EYS: variants seen among roughly 807,000 people sequenced by gnomAD.
EYS encodes EGF-like photoreceptor maintenance factor.
In EYS, 250 loss-of-function variants were observed where a neutral mutation model predicts 282.1. That is an observed-to-expected ratio of 0.89 (90% confidence interval 0.80 to 0.98). The LOEUF (loss-of-function observed/expected upper bound fraction) is 0.98, where lower values mean the gene tolerates loss of function less well. EYS is among the 50% of genes least tolerant of loss of function. The pLI is 0.00. For missense variants in EYS, 4,016 were observed against 3,709.0 expected, an observed-to-expected ratio of 1.08 and a Z score of -2.15; for synonymous variants, 1,355 against 1,282.9, an observed-to-expected ratio of 1.06 and a Z score of -1.20.
rs1267983110 is a variant in EYS, at chr6:63,720,625, C to T, written c.9406G>A (p.Asp3136Asn). ...LIKLEGYNVY[D>N]GDEQNEVT Reference sequence around the variant, plus strand: ...GTAACCTCATTTTGTTCATCTCCATCATAAACATTGTATCCTTCTAATTTA... The same window carrying T: ...GTAACCTCATTTTGTTCATCTCCATTATAAACATTGTATCCTTCTAATTTA... Residue 3136 changes from aspartate to asparagine, a missense_variant, in exon 43 of 43, where the codon GAT (aspartate) becomes AAT (asparagine). Asp to Asn is a conservative substitution (Grantham distance 23). Coordinates refer to ENST00000503581, the MANE Select transcript of EYS (RefSeq NM_001142800.2). 6.6e-7 allele frequency: 1 copy of T among 1,504,188 alleles called. No individual in the cohort carries two copies. The highest frequency in any genetic ancestry group is 8.9e-7 in the Non-Finnish European group (1 of 1,123,890). The allele number at this position is 1,504,188 out of a possible 1,614,324, so 93.2% of individuals were successfully genotyped here.
chr6:65,679,039 C>T (rs1173342546), intron 1 of EYS, among the ~76,000 whole-genome samples: 1 of 151,834 alleles, frequency 6.6e-6, no homozygotes, highest in African/African-American at 2.4e-5. Flanking sequence ...ACATTGAAAC[C>T]CATATCCCCT....
intron 26 of EYS, among the ~76,000 whole-genome samples, chr6:64,530,893 A>G (rs1365069784): frequency 6.6e-6 from 1 of 152,110 alleles, no homozygotes; most frequent in Non-Finnish European, 1.5e-5. Context: ...ATTAATCCAC[A>G]ATTTGTCACA....
intron 12 of EYS, among the ~76,000 whole-genome samples, chr6:65,058,024 G>A (rs13220850): frequency 2.1e-3 from 320 of 152,214 alleles, no homozygotes; most frequent in Middle Eastern, 6.8e-3. Flanking sequence ...TAGAGATGGT[G>A]CAGATATTTC....
chr6:64,413,974 C>T (rs895763144), intron 28 of EYS, among the ~76,000 whole-genome samples: 2 of 152,200 alleles, frequency 1.3e-5, no homozygotes, highest in African/African-American at 2.4e-5. Flanking sequence ...TATGAGAAGG[C>T]GTCATCTCTG....
At chr6:65,341,211 T>C (rs772448573) in intron 10 of EYS, among the ~76,000 whole-genome samples, 5 of 151,110 alleles carry the variant, frequency 3.3e-5, no homozygotes, top group Non-Finnish European at 7.4e-5. Context: ...GCAACATTTT[T>C]ATTGTCACCT....
chr6:65,071,883 A>G (rs1773911644), intron 12 of EYS, among the ~76,000 whole-genome samples: 1 of 151,786 alleles, frequency 6.6e-6, no homozygotes, highest in Non-Finnish European at 1.5e-5. Flanking sequence ...TCACTCTACT[A>G]CATAGATTAA....
intron 28 of EYS, among the ~76,000 whole-genome samples, chr6:64,434,210 C>T (rs1167999404): frequency 1.3e-5 from 2 of 151,832 alleles, no homozygotes; most frequent in African/African-American, 2.4e-5. Flanking sequence ...AAAAGGAGAC[C>T]TCAAAAGAAA....
intron 5 of EYS, among the ~76,000 whole-genome samples, chr6:65,448,023 C>T (rs558198766): frequency 8.5e-5 from 13 of 152,096 alleles, no homozygotes; most frequent in Admixed American, 1.3e-4. Flanking sequence ...AGTCAGATTA[C>T]GATGAAGTGT....
intron 28 of EYS, among the ~76,000 whole-genome samples, chr6:64,432,761 G>T (rs17479806): frequency 0.025 from 3,811 of 151,960 alleles, 73 homozygotes; most frequent in Non-Finnish European, 0.038. Context: ...ACCTGGTGGT[G>T]TTCAATAGTG....
At chr6:63,971,759 C>T (rs1227256842) in intron 35 of EYS, among the ~76,000 whole-genome samples, 1 of 152,194 alleles carries the variant, frequency 6.6e-6, no homozygotes, top group East Asian at 1.9e-4. Flanking sequence ...AGATGATGTC[C>T]TACCTCAAGA....
chr6:64,437,795 T>C (rs965338444), intron 27 of EYS, among the ~76,000 whole-genome samples: 11 of 151,204 alleles, frequency 7.3e-5, no homozygotes, highest in Non-Finnish European at 1.3e-4. Context: ...TGGTGCTATA[T>C]ATATATACAT....
intron 40 of EYS, among the ~76,000 whole-genome samples, chr6:63,772,666 G>T (rs928819364): frequency 6.6e-6 from 1 of 152,038 alleles, no homozygotes; most frequent in Non-Finnish European, 1.5e-5. Context: ...CCAACTTGAA[G>T]TACAGTTCAT....
intron 22 of EYS, among the ~76,000 whole-genome samples, chr6:64,727,980 A>G (rs984915187): frequency 6.6e-6 from 1 of 152,084 alleles, no homozygotes; most frequent in African/African-American, 2.4e-5. Context: ...AATTTCCCTG[A>G]CCCCTTCACG....
rs1232952898 is a variant in EYS, at chr6:64,822,580, C to T, written c.3164+71G>A. ...TTAAAATTATCTTTATCAACTTTCC[C>T]TTGATGTTAAGTCTTAAATATTGTG... On this transcript the variant is annotated intron_variant, in intron 20 of 42. Coordinates refer to ENST00000503581, the MANE Select transcript of EYS (RefSeq NM_001142800.2). 28 of 1,224,036 alleles carry T rather than the reference C, an allele frequency of 2.3e-5. 1 individual carries two copies. The South Asian group carries it at 3.7e-4, about 16-fold the overall frequency. 75.8% of individuals were successfully genotyped at this position (1,224,036 alleles called of 1,614,324 possible).
At chr6:65,401,397 T>G (rs899559465) in intron 7 of EYS, among the ~76,000 whole-genome samples, 3 of 144,794 alleles carry the variant, frequency 2.1e-5, no homozygotes, top group Non-Finnish European at 3.0e-5. Flanking sequence ...GATGTATTTG[T>G]TTTTTTTTTT....
At chr6:65,250,969 G>C (rs1158734297) in intron 12 of EYS, among the ~76,000 whole-genome samples, 4 of 149,582 alleles carry the variant, frequency 2.7e-5, no homozygotes, top group Non-Finnish European at 5.9e-5. Flanking sequence ...AAAGGAGATT[G>C]GCTAATATGA....
At chr6:64,107,097 G>A (rs1045393102) in intron 31 of EYS, among the ~76,000 whole-genome samples, 2 of 150,610 alleles carry the variant, frequency 1.3e-5, no homozygotes, top group African/African-American at 4.9e-5. Context: ...TTCCACTGAA[G>A]CCTTCAGCAT....
chr6:64,873,288 C>A (rs1447177288), intron 19 of EYS, among the ~76,000 whole-genome samples: 1 of 152,032 alleles, frequency 6.6e-6, no homozygotes, highest in African/African-American at 2.4e-5. Context: ...ATGAGAACTG[C>A]ACGGGAAAGA....
chr6:64,453,904 G>A (rs1215790754), intron 26 of EYS, among the ~76,000 whole-genome samples: 3 of 152,012 alleles, frequency 2.0e-5, no homozygotes, highest in Admixed American at 6.6e-5. Context: ...TATACCTAAT[G>A]CTAAATGACG....
Sources: allele counts gnomAD v4.1 joint callset (sites outside exome capture counted in the v4.1 genomes callset), GRCh38; gene constraint gnomAD v4.1.1; transcripts MANE v1.5; gene names NCBI Gene and HGNC (gene_info 2026-07-23, HGNC 2026-07-21).